Variants in CATSPERD observed in about 807,000 individuals in gnomAD.
The protein encoded by CATSPERD is cation channel sperm-associated auxiliary subunit delta.
CATSPERD carries 86 observed loss-of-function variants against 98.1 expected under a neutral mutation model. The observed-to-expected ratio is 0.88, with a 90% confidence interval of 0.74 to 1.05. The LOEUF is 1.05. CATSPERD is among the 50% of genes least tolerant of loss of function. The pLI, the probability that CATSPERD is intolerant of heterozygous loss-of-function variation, is 0.00. For synonymous variants in CATSPERD, 394 were observed against 390.2 expected (o/e 1.01, Z -0.12); for missense variants, 995 against 1,005.7 (o/e 0.99, Z 0.14).
At chr19:5,752,952 T>C (rs984963136) in intron 12 of CATSPERD, among the ~76,000 whole-genome samples, 21 of 147,830 alleles carry the variant, frequency 1.4e-4, no homozygotes, top group African/African-American at 5.0e-4. Context: ...CGCTTGAACC[T>C]GGGAGGCAGA....
At chr19:5,740,464 G>C (rs1212715784) in intron 7 of CATSPERD, among the ~76,000 whole-genome samples, 1 of 151,540 alleles carries the variant, frequency 6.6e-6, no homozygotes, top group African/African-American at 2.4e-5. Context: ...CCTCATGCCT[G>C]TAATCCCAGC....
chr19:5,767,986 C>T lies in CATSPERD; in HGVS notation c.1560-182C>T, dbSNP rs545613072. ...TAACTTTTTGTATCTTTAGTAGAGACGGGGTTTCCTCATGTTGGCCAGGCT... is the reference window on the plus strand; with the variant it reads ...TAACTTTTTGTATCTTTAGTAGAGATGGGGTTTCCTCATGTTGGCCAGGCT... On this transcript the variant is annotated intron_variant, in intron 17 of 21. Coordinates refer to ENST00000381624, the MANE Select transcript of CATSPERD (RefSeq NM_152784.4). Among the ~76,000 whole-genome samples the T allele has an allele frequency of 1.2e-4, 19 of 152,166 alleles. No individual in the cohort carries two copies. In the South Asian group the frequency reaches 3.1e-3, roughly 25 times the overall value.
chr19:5,769,011 AG>A (rs2056596342), intron 18 of CATSPERD, among the ~76,000 whole-genome samples: 1 of 151,922 alleles, frequency 6.6e-6, no homozygotes, highest in Non-Finnish European at 1.5e-5. Flanking sequence ...AAAATTAGCC[AG>A]GCATGGTGGT....
At chr19:5,755,089 C>A (rs2056300157) in intron 13 of CATSPERD, among the ~76,000 whole-genome samples, 1 of 150,982 alleles carries the variant, frequency 6.6e-6, no homozygotes, top group African/African-American at 2.4e-5. Flanking sequence ...GGTGATCCAC[C>A]CACCTCGGAC....
intron 15 of CATSPERD, among the ~76,000 whole-genome samples, chr19:5,762,098 C>T (rs2056452638): frequency 1.1e-5 from 1 of 87,348 alleles, no homozygotes; most frequent in Admixed American, 1.5e-4. Flanking sequence ...CAGTTTCACT[C>T]TGTCGCCCAG....
chr19:5,752,470 G>C (rs574222439), intron 12 of CATSPERD, among the ~76,000 whole-genome samples: 1 of 151,600 alleles, frequency 6.6e-6, no homozygotes, highest in Non-Finnish European at 1.5e-5. Flanking sequence ...TGAGATCCTC[G>C]TTTCTAAAAC....
At chr19:5,729,993 T>TG in intron 4 of CATSPERD, 49 bp downstream of exon 4, 1 of 1,088,814 alleles carries the variant, frequency 9.2e-7, no homozygotes, top group Non-Finnish European at 1.4e-6. Context: ...AAGTAATATT[T>TG]GGGGGAAAAT....
At chr19:5,724,786 T>C (rs201108134) in intron 1 of CATSPERD, 22 bp from the exon 2 acceptor site, 8 of 1,611,736 alleles carry the variant, frequency 5.0e-6, no homozygotes, top group Admixed American at 3.3e-5. Flanking sequence ...AATTGACAGA[T>C]GGTCTTTCTT....
intron 7 of CATSPERD, among the ~76,000 whole-genome samples, chr19:5,740,866 C>T (rs2055949031): frequency 6.6e-6 from 1 of 151,448 alleles, no homozygotes; most frequent in Non-Finnish European, 1.5e-5. Flanking sequence ...AGGTGGATCG[C>T]TTGAGTCCAG....
chr19:5,773,951 C>T (rs975486945), intron 20 of CATSPERD, among the ~76,000 whole-genome samples: 11 of 145,960 alleles, frequency 7.5e-5, no homozygotes, highest in Non-Finnish European at 1.2e-4. Context: ...GGTGTCCTGG[C>T]TCTTTTTTTG....
At position 5,733,972 on chromosome 19, in the gene CATSPERD, T is replaced by C; in HGVS notation, c.391+2T>C. ...ATAATTCTTGGAGCATGTCTTTAGGTATGTACATTTTGTATTTTTAAATTT... is the reference window on the plus strand; with the variant it reads ...ATAATTCTTGGAGCATGTCTTTAGGCATGTACATTTTGTATTTTTAAATTT... On this transcript the variant is annotated splice_donor_variant, in intron 5 of 21. Transcript: ENST00000381624. LOFTEE classifies it high-confidence loss of function. 1 of 1,554,296 alleles carries C rather than the reference T, an allele frequency of 6.4e-7. No individual in the cohort carries two copies.
chr19:5,720,820 A>C lies in CATSPERD; in HGVS notation c.71+12A>C. On this transcript the variant is annotated intron_variant, in intron 1 of 21. Coordinates refer to ENST00000381624, the MANE Select transcript of CATSPERD (RefSeq NM_152784.4). The stretch of plus-strand genomic sequence containing the variant: ...GCTCAGCTCTGTCGGTGGGGCTGCC[A>C]GGACTCCTGGGGCTGGGGTGCTGCC... 1.3e-6 allele frequency: 2 copies of C among 1,595,330 alleles called. No homozygotes were observed. Among genetic ancestry groups the C allele is most frequent in the Non-Finnish European group, 1.7e-6 (2 of 1,177,080 alleles).
intron 7 of CATSPERD, among the ~76,000 whole-genome samples, chr19:5,743,702 CTCTCTGTCTCTG>C (rs57137634): frequency 8.0e-6 from 1 of 124,280 alleles, no homozygotes; most frequent in Admixed American, 8.2e-5. Context: ...CTCTCTCTCT[CTCTCTGTCTCTG>C]TCTCTGTCTC....
At position 5,751,813 on chromosome 19, in the gene CATSPERD, G is replaced by A. The variant is rs1205676240; in HGVS notation, c.1154G>A (p.Gly385Glu). ...ALLMDPELHV[G>E]KCKIEFLTGE... Reference sequence around the variant, plus strand: ...CTCATGGACCCTGAACTCCACGTTGGAAAGTGCAAGGTATGTGATCCTAAC... The same window carrying A: ...CTCATGGACCCTGAACTCCACGTTGAAAAGTGCAAGGTATGTGATCCTAAC... Residue 385 changes from glycine (G) to glutamate (E), a missense_variant, in exon 12 of 22, where the codon GGA becomes GAA. Coordinates refer to ENST00000381624, the MANE Select transcript of CATSPERD (RefSeq NM_152784.4). 1 of 1,611,404 alleles carries A rather than the reference G, an allele frequency of 6.2e-7. No individual in the cohort carries two copies. Among genetic ancestry groups the A allele is most frequent in the Admixed American group, 1.7e-5 (1 of 59,378 alleles).
At chr19:5,771,637 C>G (rs1166620418) in intron 19 of CATSPERD, among the ~76,000 whole-genome samples, 2 of 148,142 alleles carry the variant, frequency 1.4e-5, no homozygotes, top group African/African-American at 5.0e-5. Flanking sequence ...ATGACATGAT[C>G]TTGGCTTACT....
chr19:5,730,456 T>A (rs1456729493), intron 4 of CATSPERD, among the ~76,000 whole-genome samples: 1 of 151,742 alleles, frequency 6.6e-6, no homozygotes, highest in East Asian at 1.9e-4. Flanking sequence ...GGCAGGAGAA[T>A]CACTCGAACC....
Position 5,720,675 on chromosome 19 carries a change from C to T in CATSPERD, c.-63C>T. ...CGCAGGGCTTCAGCCTGCACGTACT[C>T]GGATTGTGCAGCGACTCCCCGTGGC... On this transcript the variant is annotated 5_prime_UTR_variant, in exon 1 of 22. Coordinates refer to ENST00000381624, the MANE Select transcript of CATSPERD (RefSeq NM_152784.4). The T allele has an allele frequency of 6.6e-7, 1 of 1,514,458 alleles. No individual in the cohort carries two copies. The highest frequency in any genetic ancestry group is 9.0e-7 in the Non-Finnish European group (1 of 1,107,590). 93.8% of individuals were successfully genotyped at this position (1,514,458 alleles called of 1,614,324 possible).
chr19:5,744,352 T>TAAGTTAC (rs2056055054), intron 7 of CATSPERD, 75 bp from the exon 8 acceptor site: 1 of 1,222,424 alleles, frequency 8.2e-7, no homozygotes, highest in Admixed American at 1.9e-5. Context: ...ACTTATTAGA[T>TAAGTTAC]AATCTGAAGT....
At chr19:5,778,225 G>T (rs887738861) in intron 21 of CATSPERD, 151 bp from the exon 22 acceptor site, 15 of 531,788 alleles carry the variant, frequency 2.8e-5, no homozygotes, top group Non-Finnish European at 4.1e-5. Flanking sequence ...AAAAAAAAAA[G>T]GCATAGTGGA....
Sources: gnomAD v4.1 joint callset for allele counts (sites outside exome capture counted in the v4.1 genomes callset) on GRCh38, gnomAD v4.1.1 for gene constraint, MANE v1.5 for transcripts, NCBI Gene and HGNC (gene_info 2026-07-23, HGNC 2026-07-21) for gene names.